The following ABCB5 variants were observed in gnomAD, a reference collection of about 807,000 sequenced individuals.
ABCB5 encodes the protein ATP-binding cassette sub-family B member 5.
A neutral mutation model predicts 144.2 loss-of-function variants in ABCB5; 155 were observed. That is an observed-to-expected ratio of 1.08 (90% CI 0.94 to 1.23). The LOEUF is 1.23. ABCB5 is among the 50% of genes most tolerant of loss of function. ABCB5 has a pLI of 0.00. For missense variants in ABCB5, 1,830 were observed against 1,520.8 expected (o/e 1.20, Z -3.38); for synonymous variants, 610 against 528.6 (o/e 1.15, Z -2.11).
chr7:20,659,182 C>G, intron 14 of ABCB5: 1 of 1,611,494 alleles, frequency 6.2e-7, no homozygotes, highest in African/African-American at 1.3e-5. Context: ...CTCCTGCTGC[C>G]TATGAGCTAC....
chr7:20,692,616 T>G (rs745869161), intron 16 of ABCB5, among the ~76,000 whole-genome samples: 4 of 151,902 alleles, frequency 2.6e-5, no homozygotes, highest in Non-Finnish European at 4.4e-5. Flanking sequence ...TTTACATTTT[T>G]GATATGTTTA....
intron 4 of ABCB5, among the ~76,000 whole-genome samples, chr7:20,631,257 C>T (rs1784031418): frequency 1.3e-5 from 2 of 152,034 alleles, no homozygotes; most frequent in Admixed American, 6.6e-5. Flanking sequence ...TTGAAATCTC[C>T]ATTTCTGCCA....
intron 19 of ABCB5, among the ~76,000 whole-genome samples, chr7:20,700,863 A>C (rs1001107363): frequency 6.6e-6 from 1 of 152,198 alleles, no homozygotes; most frequent in African/African-American, 2.4e-5. Flanking sequence ...GGCAGGAGCA[A>C]ATAGCTTCCT....
chr7:20,622,696 T>C (rs1246011899), intron 1 of ABCB5, among the ~76,000 whole-genome samples: 1 of 152,088 alleles, frequency 6.6e-6, no homozygotes, highest in African/African-American at 2.4e-5. Flanking sequence ...GATCCTCAAG[T>C]ATCATCCCAA....
At chr7:20,689,746 A>G (rs1013664803) in intron 16 of ABCB5, among the ~76,000 whole-genome samples, 1 of 152,198 alleles carries the variant, frequency 6.6e-6, no homozygotes, top group Non-Finnish European at 1.5e-5. Context: ...CTCCTCCTGC[A>G]ATGTCTTTGC....
At chr7:20,638,062 A>C (rs1781747780) in intron 5 of ABCB5, among the ~76,000 whole-genome samples, 2 of 152,178 alleles carry the variant, frequency 1.3e-5, no homozygotes, top group Non-Finnish European at 2.9e-5. Flanking sequence ...GAGTCCTTCC[A>C]TGTGGAAAAC....
chr7:20,623,185 TG>T, intron 1 of ABCB5, 79 bp from the exon 2 acceptor site: 1 of 822,730 alleles, frequency 1.2e-6, no homozygotes, highest in Non-Finnish European at 2.0e-6. Flanking sequence ...GTGAGAGATG[TG>T]GGATGTAAAG....
At chr7:20,729,656 C>T (rs1782146264) in intron 23 of ABCB5, among the ~76,000 whole-genome samples, 1 of 152,168 alleles carries the variant, frequency 6.6e-6, no homozygotes, top group Non-Finnish European at 1.5e-5. Flanking sequence ...TGTTGCTAAT[C>T]CATCATAAAC....
intron 14 of ABCB5, among the ~76,000 whole-genome samples, chr7:20,672,215 A>G (rs910805157): frequency 6.6e-6 from 1 of 152,094 alleles, no homozygotes; most frequent in Admixed American, 6.5e-5. Context: ...CAAGTATTTT[A>G]TCAGATGTAG....
At chr7:20,636,606 G>A (rs1405198424) in intron 5 of ABCB5, among the ~76,000 whole-genome samples, 1 of 151,844 alleles carries the variant, frequency 6.6e-6, no homozygotes. Context: ...CTAACATGGT[G>A]AAACTCCGTC....
At chr7:20,704,013 C>T (rs1167447362) in intron 19 of ABCB5, among the ~76,000 whole-genome samples, 1 of 144,926 alleles carries the variant, frequency 6.9e-6, no homozygotes, top group African/African-American at 2.6e-5. Flanking sequence ...GACTTTTTAT[C>T]ATTAGTTAGT....
chr7:20,702,655 A>ATTTTTTTTTT (rs34454519), intron 19 of ABCB5, among the ~76,000 whole-genome samples: 1 of 117,166 alleles, frequency 8.5e-6, no homozygotes, highest in African/African-American at 3.4e-5. Flanking sequence ...CATATAATGG[A>ATTTTTTTTTT]TTTTTTTTTT....
At chr7:20,635,073 G>A (rs1056053830) in intron 5 of ABCB5, among the ~76,000 whole-genome samples, 3 of 151,940 alleles carry the variant, frequency 2.0e-5, no homozygotes, top group African/African-American at 7.2e-5. Flanking sequence ...TTTAGTTGAT[G>A]TTTGTATATG....
At chr7:20,689,098 C>G (rs979185245) in intron 16 of ABCB5, among the ~76,000 whole-genome samples, 18 of 151,840 alleles carry the variant, frequency 1.2e-4, no homozygotes, top group Non-Finnish European at 2.5e-4. Context: ...CACATGTACC[C>G]TAGAACTTAA....
In ABCB5 at chr7:20,627,796, A is replaced by C. The variant is rs1298796352; in HGVS notation, c.109-892A>C. Among the ~76,000 whole-genome samples, 3 of 152,212 alleles carry C rather than the reference A, an allele frequency of 2.0e-5. No individual in the cohort carries two copies. The East Asian group carries it at 5.8e-4, about 29-fold the overall frequency. ...TTTACTAGTTAGCTCTGGTCACTGC[A>C]CTTAGCCATGACATTGCCATGATGC... On this transcript the variant is annotated intron_variant, in intron 3 of 27. Coordinates refer to ENST00000404938, the MANE Select transcript of ABCB5 (RefSeq NM_001163941.2).
chr7:20,733,030 C>G (rs1782272742), intron 23 of ABCB5, among the ~76,000 whole-genome samples: 1 of 152,088 alleles, frequency 6.6e-6, no homozygotes, highest in Non-Finnish European at 1.5e-5. Context: ...CTAAACTACC[C>G]TGTGAAATAC....
intron 2 of ABCB5, among the ~76,000 whole-genome samples, chr7:20,624,343 T>C (rs1359677740): frequency 6.6e-6 from 1 of 152,192 alleles, no homozygotes; most frequent in Non-Finnish European, 1.5e-5. Flanking sequence ...ACTTGGGTTG[T>C]TTTACCCTGT....
intron 23 of ABCB5, among the ~76,000 whole-genome samples, chr7:20,737,896 T>C (rs1431455784): frequency 6.6e-6 from 1 of 152,232 alleles, no homozygotes; most frequent in Admixed American, 6.5e-5. Context: ...TTGACATCAC[T>C]GAACTAAATA....
intron 26 of ABCB5, among the ~76,000 whole-genome samples, chr7:20,752,811 A>T (rs1457008231): frequency 6.6e-6 from 1 of 152,140 alleles, no homozygotes; most frequent in Non-Finnish European, 1.5e-5. Context: ...GCGCCACTGC[A>T]CTCTAGACTG....
Sources: allele counts gnomAD v4.1 joint callset (sites outside exome capture counted in the v4.1 genomes callset), GRCh38; gene constraint gnomAD v4.1.1; transcripts MANE v1.5; gene names NCBI Gene and HGNC (gene_info 2026-07-23, HGNC 2026-07-21).